Variants in OSBPL1A observed in about 807,000 individuals in gnomAD.
OSBPL1A encodes oxysterol-binding protein-related protein 1.
Under a neutral mutation model 137.1 loss-of-function variants are expected in OSBPL1A, and 80 were observed. The observed-to-expected ratio is 0.58, with a 90% CI of 0.49 to 0.70. OSBPL1A has a LOEUF of 0.70. Among genes scored for constraint, OSBPL1A ranks in the 30% least tolerant of loss-of-function variants. OSBPL1A has a pLI of 0.00. For synonymous variants in OSBPL1A, 365 were observed against 389.7 expected (o/e 0.94, Z 0.75); for missense variants, 970 against 1,129.4 (o/e 0.86, Z 2.02).
chr18:24,315,911 AATATT>A (rs1196849775), intron 11 of OSBPL1A, among the ~76,000 whole-genome samples: 8 of 135,268 alleles, frequency 5.9e-5, no homozygotes, highest in African/African-American at 1.9e-4. Flanking sequence ...TATATTATAT[AATATT>A]ATAATTATAT....
intron 14 of OSBPL1A, among the ~76,000 whole-genome samples, chr18:24,284,898 C>G (rs945318349): frequency 6.6e-6 from 1 of 152,162 alleles, no homozygotes; most frequent in African/African-American, 2.4e-5. Context: ...CCCCAGGAAG[C>G]CTTCCTTAAA....
chr18:24,231,266 C>T (rs903259219), intron 16 of OSBPL1A, among the ~76,000 whole-genome samples: 8 of 151,978 alleles, frequency 5.3e-5, no homozygotes, highest in Non-Finnish European at 1.0e-4. Context: ...TGTTATGGGT[C>T]GACAATGGCC....
intron 17 of OSBPL1A, among the ~76,000 whole-genome samples, chr18:24,220,037 T>C (rs2087835963): frequency 1.3e-5 from 2 of 152,198 alleles, no homozygotes; most frequent in Admixed American, 1.3e-4. Flanking sequence ...TGCACTTTTG[T>C]GGGAGAGATG....
chr18:24,318,908 T>C (rs2090791028), intron 7 of OSBPL1A, 99 bp from the exon 8 acceptor site: 1 of 993,706 alleles, frequency 1.0e-6, no homozygotes, highest in Admixed American at 2.3e-5. Flanking sequence ...ATTTTTCTAT[T>C]GCCTATATCT....
At chr18:24,280,818 C>T (rs1335651927) in intron 15 of OSBPL1A, 24 bp downstream of exon 15, 1 of 1,479,726 alleles carries the variant, frequency 6.8e-7, no homozygotes, top group Non-Finnish European at 9.1e-7. Context: ...AATTATTTTA[C>T]AAATTCAATT....
chr18:24,250,014 A>G (rs1157156755), intron 15 of OSBPL1A, among the ~76,000 whole-genome samples: 1 of 152,182 alleles, frequency 6.6e-6, no homozygotes, highest in East Asian at 1.9e-4. Context: ...CCTTCTGCTT[A>G]AGGAGAAGAG....
At chr18:24,377,038 T>A (rs899326322) in intron 2 of OSBPL1A, among the ~76,000 whole-genome samples, 5 of 152,194 alleles carry the variant, frequency 3.3e-5, no homozygotes, top group Non-Finnish European at 4.4e-5. Flanking sequence ...GCTCCCACAG[T>A]GCAGCGATGG....
intron 7 of OSBPL1A, among the ~76,000 whole-genome samples, chr18:24,321,438 A>C (rs1171574596): frequency 6.6e-6 from 1 of 152,168 alleles, no homozygotes; most frequent in Non-Finnish European, 1.5e-5. Flanking sequence ...CTGGAACTGC[A>C]GTCATGTGTC....
rs1308836461 is a variant in OSBPL1A at position 24,396,625 on chromosome 18, T to TA, written c.-3+1029dup. Among the ~76,000 whole-genome samples the TA allele has an allele frequency of 3.3e-5, 5 of 150,046 alleles. No homozygotes were observed. The East Asian group carries it at 6.0e-4, about 18-fold the overall frequency. ...ACCTAGTGGTTTAGAATTAGGGAAT[T>TA]AAAAGGTGGATTTTGTTACTATGCT... is the stretch of plus-strand genomic sequence containing the variant. On this transcript the variant is annotated intron_variant, in intron 1 of 27. Coordinates refer to ENST00000319481, the MANE Select transcript of OSBPL1A (RefSeq NM_080597.4).
chr18:24,325,698 G>A (rs1203333309), intron 7 of OSBPL1A, among the ~76,000 whole-genome samples: 1 of 152,226 alleles, frequency 6.6e-6, no homozygotes, highest in Non-Finnish European at 1.5e-5. Flanking sequence ...CACGGGGACT[G>A]TTGGGCTGTG....
chr18:24,317,864 T>C (rs35968581), intron 9 of OSBPL1A, among the ~76,000 whole-genome samples: 20,482 of 152,168 alleles, frequency 0.13, 1,439 homozygotes, highest in South Asian at 0.16. Flanking sequence ...AACAGGATTC[T>C]CCAAAATGTA....
chr18:24,344,570 T>C (rs2091315890), intron 4 of OSBPL1A, among the ~76,000 whole-genome samples: 1 of 152,090 alleles, frequency 6.6e-6, no homozygotes, highest in South Asian at 2.1e-4. Context: ...AACTCAAATA[T>C]TGTGTAGGGA....
intron 18 of OSBPL1A, among the ~76,000 whole-genome samples, chr18:24,194,907 A>C (rs1002704472): frequency 6.6e-6 from 1 of 152,206 alleles, no homozygotes; most frequent in African/African-American, 2.4e-5. Context: ...GAGTCAAAAA[A>C]TATTTGTTTA....
At chr18:24,186,991 G>A (rs2086765618) in intron 18 of OSBPL1A, among the ~76,000 whole-genome samples, 1 of 151,576 alleles carries the variant, frequency 6.6e-6, no homozygotes, top group Non-Finnish European at 1.5e-5. Context: ...GCAGCAGCTG[G>A]TCCACCTTAC....
At chr18:24,339,033 G>A (rs1308717567) in intron 5 of OSBPL1A, among the ~76,000 whole-genome samples, 2 of 151,522 alleles carry the variant, frequency 1.3e-5, no homozygotes, top group Non-Finnish European at 2.9e-5. Context: ...GAGTGCAGTG[G>A]TGCAATCAGC....
chr18:24,184,364 T>G (rs1470291366), intron 18 of OSBPL1A, among the ~76,000 whole-genome samples: 1 of 151,682 alleles, frequency 6.6e-6, no homozygotes, highest in African/African-American at 2.4e-5. Flanking sequence ...ATGCTTTCAT[T>G]AAACACGTAT....
chr18:24,179,629 T>A, intron 20 of OSBPL1A, 109 bp downstream of exon 20: 1 of 859,626 alleles, frequency 1.2e-6, no homozygotes, highest in Non-Finnish European at 1.8e-6. Context: ...ACATCAAAAT[T>A]GTTAACTTGC....
chr18:24,194,570 T>C (rs900684172), intron 18 of OSBPL1A, among the ~76,000 whole-genome samples: 6 of 152,238 alleles, frequency 3.9e-5, no homozygotes, highest in African/African-American at 1.4e-4. Context: ...CTATATACAT[T>C]TGCTTTGTCC....
intron 5 of OSBPL1A, among the ~76,000 whole-genome samples, chr18:24,338,606 T>C (rs368156578): frequency 2.0e-5 from 3 of 152,336 alleles, no homozygotes; most frequent in East Asian, 3.9e-4. Context: ...TTCTCCCAAG[T>C]AACAGCTCTC....
Sources: allele counts gnomAD v4.1 joint callset (sites outside exome capture counted in the v4.1 genomes callset), GRCh38; gene constraint gnomAD v4.1.1; transcripts MANE v1.5; gene names NCBI Gene and HGNC (gene_info 2026-07-23, HGNC 2026-07-21).